The following RETREG1 variants were observed in gnomAD, a reference collection of about 807,000 sequenced individuals.
RETREG1 encodes reticulophagy regulator 1.
Under a neutral mutation model 54.8 loss-of-function variants are expected in RETREG1, and 44 were observed. The observed-to-expected ratio is 0.80, with a 90% CI of 0.63 to 1.03. The LOEUF (loss-of-function observed/expected upper bound fraction) is 1.03, where lower values mean the gene tolerates loss of function less well. Ranked by LOEUF, RETREG1 falls within the 50% of genes least tolerant of loss-of-function variation. RETREG1 has a pLI of 0.00. For missense variants in RETREG1, 554 were observed against 605.1 expected (o/e 0.92, Z 0.89); for synonymous variants, 217 against 238.5 (o/e 0.91, Z 0.83).
intron 3 of RETREG1, chr5:16,509,054 T>TC (rs1554018041): frequency 6.1e-6 from 6 of 986,672 alleles, no homozygotes; most frequent in East Asian, 1.0e-4. Context: ...TTTTTTTTTT[T>TC]CTGGCATGAC....
At chr5:16,513,186 T>C (rs1296932406) in intron 3 of RETREG1, among the ~76,000 whole-genome samples, 3 of 152,130 alleles carry the variant, frequency 2.0e-5, no homozygotes, top group African/African-American at 7.2e-5. Flanking sequence ...CTAGGTAAGA[T>C]TACCAGAAGA....
chr5:16,504,918 A>G (rs1739888763), intron 3 of RETREG1, among the ~76,000 whole-genome samples: 1 of 152,234 alleles, frequency 6.6e-6, no homozygotes, highest in African/African-American at 2.4e-5. Context: ...TATCAACAAT[A>G]GGCTTTGTCA....
intron 1 of RETREG1, among the ~76,000 whole-genome samples, chr5:16,595,486 C>T (rs189368207): frequency 6.6e-6 from 1 of 152,218 alleles, no homozygotes; most frequent in African/African-American, 2.4e-5. Flanking sequence ...TTTTAGCAGA[C>T]ACAAGTAATA....
intron 3 of RETREG1, among the ~76,000 whole-genome samples, chr5:16,488,388 G>A (rs974179614): frequency 3.3e-5 from 5 of 152,192 alleles, no homozygotes; most frequent in African/African-American, 1.2e-4. Flanking sequence ...GGGAGCAGGG[G>A]CAGCAACCCA....
intron 1 of RETREG1, among the ~76,000 whole-genome samples, chr5:16,610,736 A>C (rs1028381618): frequency 4.6e-5 from 7 of 152,190 alleles, no homozygotes; most frequent in Non-Finnish European, 7.3e-5. Context: ...GAATGGCGAT[A>C]ATTAAAAAGT....
rs112862652 is a variant in RETREG1, at chr5:16,561,390, G to A, written c.458+4373C>T. 2.4e-3 allele frequency among the ~76,000 whole-genome samples: 365 copies of A among 151,972 alleles called. 2 individuals are homozygous for A. The highest frequency in any genetic ancestry group is 8.5e-3 in the African/African-American group (352 of 41,446). Reference sequence around the variant, plus strand: ...TGGGCACCTGTAGTCCCAGCTACTCGGGAGGCTGAGGCAGGAGAATGGCAT... The same window carrying A: ...TGGGCACCTGTAGTCCCAGCTACTCAGGAGGCTGAGGCAGGAGAATGGCAT... On this transcript the variant is annotated intron_variant, in intron 3 of 8. Coordinates refer to ENST00000306320, the MANE Select transcript of RETREG1 (RefSeq NM_001034850.3). The surrounding 1 kb of genome is among the most constrained non-coding windows in gnomAD (Gnocchi z 4.2).
chr5:16,497,243 C>T (rs553322109), intron 3 of RETREG1, among the ~76,000 whole-genome samples: 6 of 152,278 alleles, frequency 3.9e-5, no homozygotes, highest in African/African-American at 1.4e-4. Context: ...GAAGAGGCGA[C>T]CAGGATCAGA....
At chr5:16,583,331 C>CAA (rs112195480) in intron 1 of RETREG1, among the ~76,000 whole-genome samples, 120 of 142,676 alleles carry the variant, frequency 8.4e-4, no homozygotes, top group African/African-American at 2.7e-3. Flanking sequence ...ACCAAAAATA[C>CAA]AAAAAAAAAA....
At chr5:16,496,468 A>T (rs188711434) in intron 3 of RETREG1, among the ~76,000 whole-genome samples, 1 of 152,178 alleles carries the variant, frequency 6.6e-6, no homozygotes, top group Non-Finnish European at 1.5e-5. Context: ...CTTTCTCTTT[A>T]AAGTCATGGC....
At chr5:16,548,310 T>G (rs1741442388) in intron 3 of RETREG1, among the ~76,000 whole-genome samples, 2 of 152,128 alleles carry the variant, frequency 1.3e-5, no homozygotes, top group African/African-American at 4.8e-5. Context: ...AGGCGTGAAA[T>G]GTACCTGAGT....
intron 4 of RETREG1, among the ~76,000 whole-genome samples, chr5:16,482,445 A>G (rs1299012661): frequency 6.7e-6 from 1 of 148,402 alleles, no homozygotes; most frequent in Non-Finnish European, 1.5e-5. Flanking sequence ...ATAGGTATCT[A>G]TGCTAAAAAA....
chr5:16,570,250 G>A (rs1272104228), intron 2 of RETREG1, among the ~76,000 whole-genome samples: 1 of 152,144 alleles, frequency 6.6e-6, no homozygotes, highest in Non-Finnish European at 1.5e-5. Context: ...TTTTTTAAAG[G>A]ACTGAATTCT....
intron 3 of RETREG1, among the ~76,000 whole-genome samples, chr5:16,494,181 T>A (rs1037187998): frequency 3.3e-5 from 5 of 152,168 alleles, no homozygotes; most frequent in African/African-American, 1.2e-4. Context: ...TTGCCCTCAG[T>A]CTCCCTCAAT....
At chr5:16,573,011 C>T (rs991073397) in intron 1 of RETREG1, among the ~76,000 whole-genome samples, 2 of 151,672 alleles carry the variant, frequency 1.3e-5, no homozygotes, top group African/African-American at 2.4e-5. Flanking sequence ...GGTGAAACCC[C>T]GTCTCTACTA....
chr5:16,613,092 A>G (rs934773790), intron 1 of RETREG1, among the ~76,000 whole-genome samples: 10 of 105,680 alleles, frequency 9.5e-5, no homozygotes, highest in Non-Finnish European at 1.8e-4. Context: ...ATACTTCTAC[A>G]AAGTATTTTT....
intron 3 of RETREG1, among the ~76,000 whole-genome samples, chr5:16,545,220 C>G (rs533093519): frequency 6.6e-6 from 1 of 152,214 alleles, no homozygotes; most frequent in East Asian, 1.9e-4. Flanking sequence ...CTCATTCTTG[C>G]AATGTGATGA....
At chr5:16,566,552 A>G (rs1050210924) in intron 2 of RETREG1, among the ~76,000 whole-genome samples, 1 of 152,234 alleles carries the variant, frequency 6.6e-6, no homozygotes, top group Non-Finnish European at 1.5e-5. Flanking sequence ...CAAAAAGCCA[A>G]ATGTGTTGTC....
At chr5:16,605,803 G>A (rs1321349663) in intron 1 of RETREG1, among the ~76,000 whole-genome samples, 2 of 152,180 alleles carry the variant, frequency 1.3e-5, no homozygotes, top group Non-Finnish European at 2.9e-5. Context: ...GGTGGAAGGA[G>A]TGAACAAGCT....
At chr5:16,506,515 C>T (rs957662175) in intron 3 of RETREG1, among the ~76,000 whole-genome samples, 9 of 150,906 alleles carry the variant, frequency 6.0e-5, no homozygotes, top group Admixed American at 4.0e-4. Flanking sequence ...ACTCTGTCAC[C>T]CAGGTTGGAG....
Sources: gnomAD v4.1 joint callset for allele counts (sites outside exome capture counted in the v4.1 genomes callset) on GRCh38, gnomAD v4.1.1 for gene constraint, Gnocchi (gnomAD v3.1) non-coding constraint, MANE v1.5 for transcripts, NCBI Gene and HGNC (gene_info 2026-07-23, HGNC 2026-07-21) for gene names.